Variants in MICALL2 observed in about 807,000 individuals in gnomAD.
The protein encoded by MICALL2 is MICAL like 2.
In MICALL2, 111 loss-of-function variants were observed where a neutral mutation model predicts 91.1. The observed-to-expected ratio is 1.22, with a 90% CI of 1.04 to 1.43. The LOEUF (loss-of-function observed/expected upper bound fraction) is 1.43. MICALL2 is among the 40% of genes most tolerant of loss of function. MICALL2 has a pLI of 0.00. For synonymous variants in MICALL2, 694 were observed against 525.3 expected, an observed-to-expected ratio of 1.32 and a Z score of -4.39; for missense variants, 1,556 against 1,236.0, an observed-to-expected ratio of 1.26 and a Z score of -3.88.
chr7:1,436,882 GC>G (rs762083026), intron 14 of MICALL2, 26 bp from the exon 15 acceptor site: 62 of 1,494,628 alleles, frequency 4.1e-5, no homozygotes, highest in East Asian at 1.0e-4. Flanking sequence ...GTCAGCAGGA[GC>G]CCCCCCCACC....
In MICALL2 at chr7:1,451,345, C is replaced by T. The variant is rs997004543; in HGVS notation, c.144-1057G>A. Among the ~76,000 whole-genome samples the T allele has an allele frequency of 2.0e-5, 3 of 152,130 alleles. No homozygotes were observed. Among genetic ancestry groups the T allele is most frequent in the African/African-American group, 7.2e-5 (3 of 41,430 alleles). On this transcript the variant is annotated intron_variant, in intron 1 of 16. Coordinates refer to ENST00000297508, the MANE Select transcript of MICALL2 (RefSeq NM_182924.4). The surrounding 1 kb of genome is among the most constrained non-coding windows in gnomAD (Gnocchi z 4.5). Reference sequence around the variant, plus strand: ...ACCACCAGGCTCCCAGCACGGGCTGCGGCTTCTGGGAGGGAGGGTTGGTTA... The same window carrying T: ...ACCACCAGGCTCCCAGCACGGGCTGTGGCTTCTGGGAGGGAGGGTTGGTTA...
At chr7:1,437,413 T>A (rs1215870489) in intron 14 of MICALL2, 122 bp downstream of exon 14, 5 of 872,698 alleles carry the variant, frequency 5.7e-6, no homozygotes, top group Non-Finnish European at 8.4e-6. Flanking sequence ...TGGGCTCGCC[T>A]GGCTCCAGGG....
chr7:1,448,157 C>T (rs927370324), intron 3 of MICALL2: 2 of 239,800 alleles, frequency 8.3e-6, no homozygotes, highest in African/African-American at 4.5e-5. Context: ...CCGGGGGCCC[C>T]ACCCTGCCAG....
In MICALL2 at chr7:1,435,604, C is replaced by T. The variant is rs865774299; in HGVS notation, c.2592-457G>A. On this transcript the variant is annotated intron_variant, in intron 15 of 16. Coordinates refer to ENST00000297508, the MANE Select transcript of MICALL2 (RefSeq NM_182924.4). ...GCCGACCCATGCCAAGGCCCCGTCACGCTCCCAGAGGGTCTCATAGAGGTG... is the reference window on the plus strand; with the variant it reads ...GCCGACCCATGCCAAGGCCCCGTCATGCTCCCAGAGGGTCTCATAGAGGTG... Among the ~76,000 whole-genome samples, 12 of 152,258 alleles carry T rather than the reference C, an allele frequency of 7.9e-5. No homozygotes were observed. In the South Asian group the frequency reaches 2.5e-3, roughly 31 times the overall value.
chr7:1,458,841 C>A (rs1174230642), intron 1 of MICALL2, among the ~76,000 whole-genome samples: 1 of 152,250 alleles, frequency 6.6e-6, no homozygotes, highest in Admixed American at 6.5e-5. Flanking sequence ...GTGGCCAGGC[C>A]CCTGGGCAGT....
rs1779903766 is a variant in MICALL2 at position 1,435,132 on chromosome 7, AT to A, written c.2606del (p.Asp869ValfsTer7). 6.2e-7 allele frequency: 1 copy of A among 1,613,358 alleles called. No individual in the cohort carries two copies. ...TCTCAATCATGTCCCGCAGCATCTG[AT>A]CCTCCTCTTGTTCCCTGAAACGGGA... ...DEDRLREQEE[D>X]QMLRDMIEKL... On this transcript the variant is annotated frameshift_variant, in exon 16 of 17. Coordinates refer to ENST00000297508, the MANE Select transcript of MICALL2 (RefSeq NM_182924.4). LOFTEE classifies it high-confidence loss of function.
chr7:1,437,221 G>A lies in MICALL2; in HGVS notation c.2476+314C>T, dbSNP rs531017388. On this transcript the variant is annotated intron_variant, in intron 14 of 16. Transcript: ENST00000297508. ...ATCACGAGACAAATGCCTATGGCTC[G>A]CCCTGACTGCTGCTACACTAAATGC... 4.4e-5 allele frequency: 22 copies of A among 500,848 alleles called. 1 individual carries two copies. The highest frequency in any genetic ancestry group is 1.7e-4 in the South Asian group (6 of 34,826). The allele number at this position is 500,848 out of a possible 1,614,324, so 31.0% of individuals were successfully genotyped here.
At position 1,438,348 on chromosome 7, in the gene MICALL2, G is replaced by A. The variant is rs190563477; in HGVS notation, c.2128C>T (p.Pro710Ser). 2.7e-4 allele frequency: 436 copies of A among 1,602,140 alleles called. 4 individuals carry two copies. The East Asian group carries it at 9.6e-3, about 35-fold the overall frequency. ...KPHLQGKPGR[P>S]LSPANVPALP... is the part of the protein sequence containing the mutation. The stretch of plus-strand genomic sequence containing the variant: ...GCAGGGACATTGGCCGGGGACAAGG[G>A]TCTCCCTGGAGAAGGAGCAGGGTGA... Residue 710 changes from proline (P) to serine (S), a missense_variant, in exon 11 of 17, where the codon CCC becomes TCC. Pro to Ser is a moderately conservative substitution (Grantham distance 74). Coordinates refer to ENST00000297508, the MANE Select transcript of MICALL2 (RefSeq NM_182924.4).
intron 13 of MICALL2, 60 bp downstream of exon 13, chr7:1,437,830 C>T (rs1419910331): frequency 1.4e-6 from 2 of 1,477,716 alleles, no homozygotes; most frequent in Non-Finnish European, 1.8e-6. Flanking sequence ...CCCCGCCTGG[C>T]CTGCCCAGCC....
Position 1,445,195 on chromosome 7 carries a change from C to G in MICALL2, c.875G>C (p.Gly292Ala). 1 of 1,596,878 alleles carries G rather than the reference C, an allele frequency of 6.3e-7. No homozygotes were observed. Among genetic ancestry groups the G allele is most frequent in the Non-Finnish European group, 8.5e-7 (1 of 1,172,718 alleles). Reference protein sequence around the residue: ...ARPSAWEPAAGNSPARASVPA... With the variant: ...ARPSAWEPAAANSPARASVPA... ...AACGGAAGCCCTGGCAGGCGAGTTG[C>G]CCGCAGCAGGCTCCCAGGCCGACGG... Residue 292 changes from glycine to alanine, a missense_variant, in exon 6 of 17, where the codon GGC (glycine) becomes GCC (alanine). Physicochemically the swap from Gly to Ala is moderately conservative, Grantham distance 60. Transcript: ENST00000297508.
chr7:1,437,291 G>C, intron 14 of MICALL2: 1 of 544,746 alleles, frequency 1.8e-6, no homozygotes. Context: ...GCTGCGTGAG[G>C]TGGGTGCTAC....
In MICALL2 at chr7:1,458,594, C is replaced by A. The variant is rs547647044; in HGVS notation, c.143+590G>T. On this transcript the variant is annotated intron_variant, in intron 1 of 16. Coordinates refer to ENST00000297508, the MANE Select transcript of MICALL2 (RefSeq NM_182924.4). Reference sequence around the variant, plus strand: ...CCAAGACCCTCCTGGGGAGAGACAGCCTAGTCCTCAACCCCTGCCACCTCC... The same window carrying A: ...CCAAGACCCTCCTGGGGAGAGACAGACTAGTCCTCAACCCCTGCCACCTCC... Among the ~76,000 whole-genome samples the A allele has an allele frequency of 2.4e-3, 365 of 152,374 alleles. 2 individuals carry two copies. The highest frequency in any genetic ancestry group is 4.4e-3 in the Non-Finnish European group (300 of 68,028).
At chr7:1,439,707 G>C (rs757979985) in intron 9 of MICALL2, 12 of 434,334 alleles carry the variant, frequency 2.8e-5, no homozygotes, top group Admixed American at 8.7e-5. Flanking sequence ...ATCACGCATG[G>C]ATACAGGCAT....
intron 2 of MICALL2, 114 bp downstream of exon 2, chr7:1,450,126 C>T (rs969520720): frequency 3.0e-5 from 24 of 791,880 alleles, no homozygotes; most frequent in Non-Finnish European, 4.8e-5. Context: ...GATTCCCAGG[C>T]AGGACTCCCA....
At chr7:1,450,687 G>A (rs1000659789) in intron 1 of MICALL2, among the ~76,000 whole-genome samples, 16 of 152,196 alleles carry the variant, frequency 1.1e-4, no homozygotes, top group African/African-American at 3.6e-4. Flanking sequence ...GGTCGCAGAG[G>A]CCTGATGCCC....
At chr7:1,439,725 A>G (rs1473481387) in intron 9 of MICALL2, 200 bp downstream of exon 9, 4 of 446,604 alleles carry the variant, frequency 9.0e-6, no homozygotes, top group Non-Finnish European at 1.5e-5. Context: ...CATCACATAC[A>G]TGAACACATG....
rs1292256367 is a variant in MICALL2 at position 1,451,134 on chromosome 7, G to C, written c.144-846C>G. Among the ~76,000 whole-genome samples, 3 of 152,202 alleles carry C rather than the reference G, an allele frequency of 2.0e-5. No individual in the cohort carries two copies. Among genetic ancestry groups the C allele is most frequent in the Non-Finnish European group, 4.4e-5 (3 of 68,028 alleles). On this transcript the variant is annotated intron_variant, in intron 1 of 16. Transcript: ENST00000297508. This position sits in a 1 kb window ranked among gnomAD's most constrained non-coding sequence, Gnocchi z 4.5. ...CACAGGGATGCAAGGGTCCCGGGAAGTTCCCGAGGTGAGGTCCCCGGCCAG... is the reference window on the plus strand; with the variant it reads ...CACAGGGATGCAAGGGTCCCGGGAACTTCCCGAGGTGAGGTCCCCGGCCAG...
At chr7:1,456,024 G>C (rs1450210179) in intron 1 of MICALL2, among the ~76,000 whole-genome samples, 1 of 151,890 alleles carries the variant, frequency 6.6e-6, no homozygotes, top group East Asian at 1.9e-4. Context: ...AGGGCTGCAT[G>C]AGGAGACCTC....
rs201057822 is a variant in MICALL2 at position 1,459,342 on chromosome 7, G to T, written c.-16C>A. On this transcript the variant is annotated 5_prime_UTR_variant, in exon 1 of 17. Transcript: ENST00000297508. ...TGGCCGCCATGTGGGCGGCGCGCCCGCCGCGCGGCGGAACCGCCCTCCGAC... is the reference window on the plus strand; with the variant it reads ...TGGCCGCCATGTGGGCGGCGCGCCCTCCGCGCGGCGGAACCGCCCTCCGAC... The T allele has an allele frequency of 9.0e-4, 1,358 of 1,504,084 alleles. 13 individuals carry two copies. The East Asian group carries it at 0.01, about 11-fold the overall frequency. The allele number at this position is 1,504,084 out of a possible 1,614,324, so 93.2% of individuals were successfully genotyped here.
Sources: allele counts gnomAD v4.1 joint callset (sites outside exome capture counted in the v4.1 genomes callset), GRCh38; gene constraint gnomAD v4.1.1; non-coding constraint Gnocchi (gnomAD v3.1); transcripts MANE v1.5; gene names NCBI Gene and HGNC (gene_info 2026-07-23, HGNC 2026-07-21).